CFAP53: variants seen among roughly 807,000 people sequenced by gnomAD.
CFAP53 encodes cilia- and flagella-associated protein 53.
CFAP53 carries 62 observed loss-of-function variants against 59.7 expected under a neutral mutation model. The observed-to-expected ratio is 1.04, with a 90% CI of 0.85 to 1.28. The LOEUF (loss-of-function observed/expected upper bound fraction) is 1.28, where lower values mean the gene tolerates loss of function less well. CFAP53 is among the 50% of genes most tolerant of loss of function. The pLI, the probability that CFAP53 is intolerant of heterozygous loss-of-function variation, is 0.00. For synonymous variants in CFAP53, 218 were observed against 205.7 expected (o/e 1.06, Z -0.51); for missense variants, 629 against 615.6 (o/e 1.02, Z -0.23).
intron 7 of CFAP53, among the ~76,000 whole-genome samples, chr18:50,237,195 A>G (rs1185559984): frequency 6.9e-6 from 1 of 144,302 alleles, no homozygotes; most frequent in East Asian, 2.2e-4. Context: ...AATCCTAGGT[A>G]TTTGAGTGGC....
At position 50,227,377 on chromosome 18, in the gene CFAP53, G is replaced by A. The variant is rs574592418; in HGVS notation, c.*4C>T. ...CAAGAAAAGATATATTGATGCTCAC[G>A]GAACTACGGTGGAAGCTTACTGGGG... On this transcript the variant is annotated 3_prime_UTR_variant, in exon 8 of 8. Transcript: ENST00000398545. 1.4e-4 allele frequency: 223 copies of A among 1,605,982 alleles called. 1 individual carries two copies. The South Asian group carries it at 1.5e-3, about 10-fold the overall frequency.
intron 3 of CFAP53, among the ~76,000 whole-genome samples, chr18:50,259,213 A>G (rs1176409107): frequency 2.0e-5 from 3 of 152,346 alleles, no homozygotes; most frequent in Non-Finnish European, 4.4e-5. Context: ...GTGTCCATCA[A>G]CAGATGAATG....
chr18:50,236,254 T>C (rs1359787515), intron 7 of CFAP53, among the ~76,000 whole-genome samples: 1 of 152,208 alleles, frequency 6.6e-6, no homozygotes, highest in East Asian at 1.9e-4. Flanking sequence ...AGCTCCTCTC[T>C]TGCTGGCTGC....
intron 3 of CFAP53, among the ~76,000 whole-genome samples, chr18:50,259,574 C>T (rs1338967664): frequency 6.6e-6 from 1 of 151,606 alleles, no homozygotes; most frequent in Non-Finnish European, 1.5e-5. Context: ...TCAATAATTA[C>T]AGGCGTGTGC....
chr18:50,231,241 G>A (rs12964665), intron 7 of CFAP53, among the ~76,000 whole-genome samples: 45,541 of 151,192 alleles, frequency 0.3, 7,685 homozygotes, highest in Non-Finnish European at 0.4. Flanking sequence ...CTCTCTTGCT[G>A]GCTGCCCATT....
chr18:50,256,066 C>T (rs1161581390), intron 3 of CFAP53: 2 of 152,172 alleles, frequency 1.3e-5, no homozygotes, highest in African/African-American at 2.4e-5. Context: ...CTATAGGATA[C>T]ATTCGTTTCT....
intron 3 of CFAP53, among the ~76,000 whole-genome samples, chr18:50,253,891 T>G (rs1210165778): frequency 6.6e-6 from 1 of 152,064 alleles, no homozygotes; most frequent in Non-Finnish European, 1.5e-5. Context: ...TATTCGTTAA[T>G]AAAAACACCC....
intron 5 of CFAP53, among the ~76,000 whole-genome samples, chr18:50,244,056 C>T (rs1170339433): frequency 1.3e-5 from 2 of 152,104 alleles, no homozygotes; most frequent in Non-Finnish European, 2.9e-5. Context: ...TAGTAATGTG[C>T]AGCTAAAGTT....
intron 7 of CFAP53, among the ~76,000 whole-genome samples, chr18:50,227,955 C>CATTTTT (rs2033541924): frequency 1.1e-5 from 1 of 90,096 alleles, no homozygotes; most frequent in African/African-American, 4.4e-5. Context: ...AACTTTTCTC[C>CATTTTT]TTTTTTTTTT....
At chr18:50,241,163 G>C (rs2033686452) in intron 6 of CFAP53, among the ~76,000 whole-genome samples, 1 of 152,186 alleles carries the variant, frequency 6.6e-6, no homozygotes, top group Non-Finnish European at 1.5e-5. Flanking sequence ...GTAACTTTCA[G>C]AAACCTTAAA....
In CFAP53 at chr18:50,227,501, T is replaced by G; in HGVS notation, c.1425A>C (p.Ala475=). ...AACACATCTTGTTTGCTGCTACACC[T>G]GCTTCAAACTCTCGGCGTTTCTCTT... is the stretch of plus-strand genomic sequence containing the variant. ...EKEEKRREFE[A]GVAANKMCLD... is the part of the protein sequence containing the mutation. Residue 475 remains alanine (A), a synonymous_variant, in exon 8 of 8, where the codon GCA becomes GCC. Coordinates refer to ENST00000398545, the MANE Select transcript of CFAP53 (RefSeq NM_145020.5). The G allele has an allele frequency of 6.2e-7, 1 of 1,614,210 alleles. No individual in the cohort carries two copies. The highest frequency in any genetic ancestry group is 8.5e-7 in the Non-Finnish European group (1 of 1,180,010).
chr18:50,261,611 C>T (rs372242086), intron 2 of CFAP53, among the ~76,000 whole-genome samples: 1 of 151,754 alleles, frequency 6.6e-6, no homozygotes, highest in South Asian at 2.1e-4. Flanking sequence ...AGGCTGGTCT[C>T]AAACTCCTGG....
intron 3 of CFAP53, among the ~76,000 whole-genome samples, chr18:50,252,650 C>G (rs547349002): frequency 1.3e-4 from 20 of 151,956 alleles, no homozygotes; most frequent in African/African-American, 4.6e-4. Flanking sequence ...CTGAAGTGAC[C>G]CTCCTGCCTC....
chr18:50,262,085 C>T lies in CFAP53; in HGVS notation c.204G>A (p.Gln68=), dbSNP rs771337118. ...TGTCCAAAATCTTGCAGTCATTGTG[C>T]TGGTCCCACTCAGCTTTCAAGCGAT... is the stretch of plus-strand genomic sequence containing the variant. ...ERDRLKAEWD[Q]HNDCKILDSL... is the part of the protein sequence containing the mutation. The change falls in exon 2 of 8, where the codon CAG becomes CAA. Residue 68 remains glutamine, a synonymous_variant. Transcript: ENST00000398545. 1 of 1,614,226 alleles carries T rather than the reference C, an allele frequency of 6.2e-7. No individual in the cohort carries two copies. The highest frequency in any genetic ancestry group is 8.5e-7 in the Non-Finnish European group (1 of 1,180,046).
chr18:50,261,451 G>C (rs2033893418), intron 2 of CFAP53, among the ~76,000 whole-genome samples: 1 of 152,222 alleles, frequency 6.6e-6, no homozygotes, highest in South Asian at 2.1e-4. Context: ...CTGGAGTGCA[G>C]TGTGATCATG....
chr18:50,254,436 T>G (rs572916704), intron 3 of CFAP53, among the ~76,000 whole-genome samples: 1 of 152,114 alleles, frequency 6.6e-6, no homozygotes, highest in Admixed American at 6.6e-5. Context: ...GCACGCCTAT[T>G]AGAACAGCTA....
chr18:50,254,262 G>A lies in CFAP53; in HGVS notation c.474-2478C>T, dbSNP rs535239565. Among the ~76,000 whole-genome samples the A allele has an allele frequency of 1.8e-3, 261 of 145,874 alleles. 1 individual carries two copies. The highest frequency in any genetic ancestry group is 6.0e-3 in the African/African-American group (241 of 40,106). On this transcript the variant is annotated intron_variant, in intron 3 of 7. Coordinates refer to ENST00000398545, the MANE Select transcript of CFAP53 (RefSeq NM_145020.5). ...AAAAAAAAAAGGCAAAAACTTAGCA[G>A]CTAAAACAAGCTAAATTCTAAAAAT...
At chr18:50,257,339 T>C (rs2033854935) in intron 3 of CFAP53, among the ~76,000 whole-genome samples, 2 of 152,216 alleles carry the variant, frequency 1.3e-5, no homozygotes, top group African/African-American at 4.8e-5. Flanking sequence ...TTATCCTTGT[T>C]TGCAGATGAC....
At chr18:50,245,718 C>A (rs2033737542) in intron 5 of CFAP53, among the ~76,000 whole-genome samples, 1 of 152,206 alleles carries the variant, frequency 6.6e-6, no homozygotes, top group South Asian at 2.1e-4. Flanking sequence ...ACAATCTTTA[C>A]CAAAATCTCA....
Sources: allele counts gnomAD v4.1 joint callset (sites outside exome capture counted in the v4.1 genomes callset), GRCh38; gene constraint gnomAD v4.1.1; transcripts MANE v1.5; gene names NCBI Gene and HGNC (gene_info 2026-07-23, HGNC 2026-07-21).